Variants in GALNTL6 observed in about 807,000 individuals in gnomAD.
GALNTL6 encodes the protein polypeptide N-acetylgalactosaminyltransferase like 6, also known as polypeptide N-acetylgalactosaminyltransferase-like 6.
Under a neutral mutation model 73.7 loss-of-function variants are expected in GALNTL6, and 46 were observed. That is an observed-to-expected ratio of 0.62 (90% confidence interval 0.49 to 0.80). GALNTL6 has a LOEUF of 0.80. GALNTL6 is among the 30% of genes least tolerant of loss of function. The probability of loss-of-function intolerance (pLI) is 0.00; values close to 1 mark genes in which losing one functional copy is unlikely to be tolerated. For synonymous variants in GALNTL6, 259 were observed against 263.7 expected, an observed-to-expected ratio of 0.98 and a Z score of 0.17; for missense variants, 604 against 755.0, an observed-to-expected ratio of 0.80 and a Z score of 2.34.
chr4:172,965,618 TAAAA>T (rs201329280), intron 10 of GALNTL6, among the ~76,000 whole-genome samples: 4 of 138,670 alleles, frequency 2.9e-5, no homozygotes, highest in Admixed American at 7.3e-5. Flanking sequence ...AAGTAAAAAT[TAAAA>T]AAAAAAAAAC....
intron 2 of GALNTL6, among the ~76,000 whole-genome samples, chr4:171,996,013 T>C (rs1740475350): frequency 2.0e-5 from 3 of 152,092 alleles, no homozygotes; most frequent in Admixed American, 2.0e-4. Context: ...TTAAGATTCA[T>C]TTTATACAGC....
Position 172,230,535 on chromosome 4 carries a change from C to G in GALNTL6, c.247+771C>G, listed in dbSNP as rs372391271. Among the ~76,000 whole-genome samples, 14 of 150,040 alleles carry G rather than the reference C, an allele frequency of 9.3e-5. No homozygotes were observed. In the East Asian group the frequency reaches 2.7e-3, roughly 29 times the overall value. The stretch of plus-strand genomic sequence containing the variant: ...GGTGGAGCTTGCAGTGAGCCGAGAT[C>G]GCACCACTGCACTCCAGCCGGGCGA... On this transcript the variant is annotated intron_variant, in intron 3 of 12. Coordinates refer to ENST00000506823, the MANE Select transcript of GALNTL6 (RefSeq NM_001034845.3).
intron 2 of GALNTL6, among the ~76,000 whole-genome samples, chr4:172,207,808 C>G (rs1381220020): frequency 1.3e-5 from 2 of 152,146 alleles, no homozygotes; most frequent in Non-Finnish European, 2.9e-5. Context: ...TAATGAAAAG[C>G]CTTCATAACT....
intron 5 of GALNTL6, among the ~76,000 whole-genome samples, chr4:172,776,766 T>C (rs1318213252): frequency 1.3e-5 from 2 of 152,206 alleles, no homozygotes; most frequent in African/African-American, 4.8e-5. Flanking sequence ...TTTCTGATTG[T>C]TTCCTCTGTT....
At chr4:172,520,025 T>C (rs955814420) in intron 5 of GALNTL6, among the ~76,000 whole-genome samples, 1 of 151,938 alleles carries the variant, frequency 6.6e-6, no homozygotes, top group Non-Finnish European at 1.5e-5. Flanking sequence ...TTTTCAGGAA[T>C]ATTTTATTTT....
At chr4:172,466,488 G>A (rs540675524) in intron 5 of GALNTL6, among the ~76,000 whole-genome samples, 15 of 152,210 alleles carry the variant, frequency 9.9e-5, no homozygotes, top group Non-Finnish European at 1.8e-4. Context: ...CAAGTACAGC[G>A]CACTCTTAAT....
At chr4:173,012,285 C>T (rs912592881) in intron 11 of GALNTL6, among the ~76,000 whole-genome samples, 1 of 152,152 alleles carries the variant, frequency 6.6e-6, no homozygotes, top group African/African-American at 2.4e-5. Flanking sequence ...CCATGCCCAG[C>T]GCAGGATGTT....
chr4:172,350,628 A>G (rs972340013), intron 5 of GALNTL6, among the ~76,000 whole-genome samples: 2 of 152,218 alleles, frequency 1.3e-5, no homozygotes, highest in African/African-American at 4.8e-5. Context: ...CTTATGAGCA[A>G]TCAAATTGAA....
chr4:171,991,915 A>T (rs1740348432), intron 2 of GALNTL6, among the ~76,000 whole-genome samples: 1 of 151,780 alleles, frequency 6.6e-6, no homozygotes, highest in South Asian at 2.1e-4. Context: ...ATTGTCAAAT[A>T]AAAAAATCCA....
chr4:172,960,668 C>T (rs1750000793), intron 10 of GALNTL6, among the ~76,000 whole-genome samples: 2 of 152,006 alleles, frequency 1.3e-5, no homozygotes, highest in Admixed American at 1.3e-4. Context: ...GACCATTTGC[C>T]CATTTTACGA....
chr4:172,951,984 A>G, intron 9 of GALNTL6, 53 bp from the exon 10 acceptor site: 1 of 1,435,840 alleles, frequency 7.0e-7, no homozygotes, highest in Non-Finnish European at 9.6e-7. Flanking sequence ...AACAAAAAAC[A>G]CCTTTTGAAT....
chr4:171,955,706 A>G (rs960114600), intron 2 of GALNTL6, among the ~76,000 whole-genome samples: 1 of 152,088 alleles, frequency 6.6e-6, no homozygotes, highest in Non-Finnish European at 1.5e-5. Flanking sequence ...ATTTTTATCA[A>G]TAATAGGTTG....
chr4:172,663,469 A>G (rs539639786), intron 5 of GALNTL6, among the ~76,000 whole-genome samples: 1 of 152,198 alleles, frequency 6.6e-6, no homozygotes, highest in African/African-American at 2.4e-5. Context: ...CTGTATATTC[A>G]ACCCCTCCCT....
At chr4:172,332,294 G>A (rs532112623) in intron 4 of GALNTL6, among the ~76,000 whole-genome samples, 3 of 151,774 alleles carry the variant, frequency 2.0e-5, no homozygotes, top group Non-Finnish European at 2.9e-5. Flanking sequence ...TATATATAAG[G>A]CATAATTATC....
At position 171,924,183 on chromosome 4, in the gene GALNTL6, TACACACAC is replaced by T. The variant is rs371649848; in HGVS notation, c.138+109489_138+109496del. On this transcript the variant is annotated intron_variant, in intron 2 of 12. Coordinates refer to ENST00000506823, the MANE Select transcript of GALNTL6 (RefSeq NM_001034845.3). ...GGTTAAAAAAAATACACCACACACATACACACACACACACACACACACACACACACAAA... is the reference window on the plus strand; with the variant it reads ...GGTTAAAAAAAATACACCACACACATACACACACACACACACACACACAAA... Among the ~76,000 whole-genome samples, 222 of 142,558 alleles carry T rather than the reference TACACACAC, an allele frequency of 1.6e-3. 1 individual carries two copies. Among genetic ancestry groups the T allele is most frequent in the East Asian group, 0.013 (61 of 4,650 alleles). The allele number at this position is 142,558 out of a possible 152,430, so 93.5% of individuals were successfully genotyped here.
At chr4:172,882,458 T>C (rs1384355544) in intron 7 of GALNTL6, among the ~76,000 whole-genome samples, 1 of 152,194 alleles carries the variant, frequency 6.6e-6, no homozygotes, top group Non-Finnish European at 1.5e-5. Context: ...TTGAGTGATA[T>C]TTCTCACTTT....
intron 2 of GALNTL6, among the ~76,000 whole-genome samples, chr4:171,987,735 C>T (rs980525875): frequency 1.3e-5 from 2 of 152,142 alleles, no homozygotes; most frequent in African/African-American, 2.4e-5. Context: ...TATAGCATAG[C>T]CTGCCTTTGC....
chr4:172,852,914 A>G (rs918135900), intron 7 of GALNTL6, among the ~76,000 whole-genome samples: 1 of 152,204 alleles, frequency 6.6e-6, no homozygotes, highest in Non-Finnish European at 1.5e-5. Flanking sequence ...ATCACATAAA[A>G]ATATATATAC....
chr4:172,049,709 C>A (rs957038209), intron 2 of GALNTL6, among the ~76,000 whole-genome samples: 1 of 151,968 alleles, frequency 6.6e-6, no homozygotes, highest in Non-Finnish European at 1.5e-5. Context: ...CTCAGCCTGG[C>A]GCAGCGGCTC....
Sources: gnomAD v4.1 joint callset for allele counts (sites outside exome capture counted in the v4.1 genomes callset) on GRCh38, gnomAD v4.1.1 for gene constraint, MANE v1.5 for transcripts, NCBI Gene and HGNC (gene_info 2026-07-23, HGNC 2026-07-21) for gene names.